The following CFAP54 variants were observed in gnomAD, a reference collection of about 807,000 sequenced individuals.
CFAP54 encodes the protein cilia and flagella associated protein 54, also known as cilia- and flagella-associated protein 54.
In CFAP54, 290 loss-of-function variants were observed where a neutral mutation model predicts 370.4. The observed-to-expected ratio is 0.78, with a 90% CI of 0.71 to 0.86. CFAP54 has a LOEUF of 0.86. Among genes scored for constraint, CFAP54 ranks in the 40% least tolerant of loss-of-function variants. CFAP54 has a pLI of 0.00. For missense variants in CFAP54, 3,399 were observed against 3,528.7 expected (o/e 0.96, Z 0.93); for synonymous variants, 1,206 against 1,236.5 (o/e 0.98, Z 0.52).
In CFAP54 at chr12:96,554,800, A is replaced by G. The variant is rs1955735198; in HGVS notation, c.2408A>G (p.Gln803Arg). 1 of 1,532,884 alleles carries G rather than the reference A, an allele frequency of 6.5e-7. No individual in the cohort carries two copies. The highest frequency in any genetic ancestry group is 1.2e-5 in the South Asian group (1 of 83,528). The allele number at this position is 1,532,884 out of a possible 1,614,324, so 95.0% of individuals were successfully genotyped here. ...GCTGTTGTGCTTCTGGACAAATTGC[A>G]AGGTAGTAGTCACTAAAGCAAGTAA... Reference protein sequence around the residue: ...RIAVVLLDKLQVLQTPTVSKD... With the variant: ...RIAVVLLDKLRVLQTPTVSKD... The change falls in exon 17 of 68, where the codon CAA becomes CGA. Residue 803 changes from glutamine to arginine, a missense_variant and splice_region_variant. This residue lies in a region of CFAP54 where 2,796 missense variants were observed against 2,869.7 expected (regional missense o/e 0.97). Transcript: ENST00000524981.
intron 62 of CFAP54, 56 bp downstream of exon 62, chr12:96,786,954 T>C (rs12315105): frequency 0.013 from 17,005 of 1,264,936 alleles, 442 homozygotes; most frequent in African/African-American, 0.11. Flanking sequence ...ATCATCATTA[T>C]ATTTCAGAAG....
At chr12:96,874,495 A>G (rs1265171178) in intron 67 of CFAP54, among the ~76,000 whole-genome samples, 1 of 151,980 alleles carries the variant, frequency 6.6e-6, no homozygotes, top group Non-Finnish European at 1.5e-5. Context: ...ATTGGTTAAT[A>G]TCAGGTTGCT....
At chr12:96,535,693 C>T in intron 12 of CFAP54, 93 bp downstream of exon 12, 1 of 743,308 alleles carries the variant, frequency 1.3e-6, no homozygotes, top group South Asian at 2.0e-5. Flanking sequence ...AGGAATTACG[C>T]CTTGCTAAAA....
rs371433513 is a variant in CFAP54, at chr12:96,621,754, C to T, written c.3771+33C>T. 4.2e-5 allele frequency: 63 copies of T among 1,485,120 alleles called. 1 individual carries two copies. The highest frequency in any genetic ancestry group is 2.5e-4 in the South Asian group (19 of 74,960). The allele number at this position is 1,485,120 out of a possible 1,614,324, so 92.0% of individuals were successfully genotyped here. ...TTTTTGTTTCTCATTTTTAAACCTA[C>T]GTTTAGTTTGCATCTTTTAGGGGTA... On this transcript the variant is annotated intron_variant, in intron 27 of 67. Coordinates refer to ENST00000524981, the MANE Select transcript of CFAP54 (RefSeq NM_001306084.2).
chr12:96,507,338 G>T (rs1198145499), intron 4 of CFAP54, among the ~76,000 whole-genome samples: 1 of 152,160 alleles, frequency 6.6e-6, no homozygotes, highest in Non-Finnish European at 1.5e-5. Context: ...ACTGTTGGGT[G>T]TTCAAAAAGC....
In CFAP54 at chr12:96,852,356, C is replaced by T. The variant is rs79426628; in HGVS notation, c.9172-8463C>T. Among the ~76,000 whole-genome samples the T allele has an allele frequency of 8.2e-4, 124 of 152,066 alleles. No homozygotes were observed. In the East Asian group the frequency reaches 0.021, roughly 26 times the overall value. On this transcript the variant is annotated intron_variant, in intron 66 of 67. Coordinates refer to ENST00000524981, the MANE Select transcript of CFAP54 (RefSeq NM_001306084.2). ...TCTCTCTTCATCTATCTGGACTCTC[C>T]GTTGTATTTCTATATAATAAGTCCA... is the stretch of plus-strand genomic sequence containing the variant.
At chr12:96,528,047 C>T (rs1419789395) in intron 9 of CFAP54, among the ~76,000 whole-genome samples, 1 of 152,076 alleles carries the variant, frequency 6.6e-6, no homozygotes, top group Non-Finnish European at 1.5e-5. Flanking sequence ...TTGATGGTTG[C>T]ACTGGCTAGG....
At chr12:96,661,574 T>C (rs1036374953) in intron 38 of CFAP54, among the ~76,000 whole-genome samples, 2 of 152,112 alleles carry the variant, frequency 1.3e-5, no homozygotes, top group African/African-American at 4.8e-5. Flanking sequence ...TAGAGGACAG[T>C]TGTAGAAGCA....
chr12:96,676,408 C>A (rs1957209459), intron 39 of CFAP54, among the ~76,000 whole-genome samples: 1 of 152,072 alleles, frequency 6.6e-6, no homozygotes, highest in South Asian at 2.1e-4. Flanking sequence ...CTGTTATGGG[C>A]TGAATATTTG....
intron 19 of CFAP54, among the ~76,000 whole-genome samples, chr12:96,565,268 C>G (rs779541331): frequency 9.9e-5 from 15 of 152,138 alleles, no homozygotes; most frequent in Non-Finnish European, 1.8e-4. Context: ...GGGTCTCACT[C>G]TGTCAACTAG....
intron 58 of CFAP54, among the ~76,000 whole-genome samples, chr12:96,761,984 A>G (rs1023372530): frequency 6.6e-6 from 1 of 152,036 alleles, no homozygotes; most frequent in Admixed American, 6.6e-5. Context: ...GCATTTCACT[A>G]TCTATTTTAG....
At chr12:96,773,361 C>G (rs1958482611) in intron 60 of CFAP54, among the ~76,000 whole-genome samples, 1 of 152,244 alleles carries the variant, frequency 6.6e-6, no homozygotes, top group Non-Finnish European at 1.5e-5. Flanking sequence ...CTTGAATCAC[C>G]TGTCTCCCTC....
At chr12:96,775,152 G>A (rs906091801) in intron 60 of CFAP54, among the ~76,000 whole-genome samples, 2 of 152,094 alleles carry the variant, frequency 1.3e-5, no homozygotes, top group Non-Finnish European at 2.9e-5. Context: ...ACTGTGGGCC[G>A]GGCGCGGTGA....
chr12:96,492,548 G>C (rs1321562640), intron 1 of CFAP54, among the ~76,000 whole-genome samples: 1 of 152,118 alleles, frequency 6.6e-6, no homozygotes, highest in Admixed American at 6.6e-5. Context: ...TAATCGATTT[G>C]TTTTCTTGTG....
At chr12:96,723,415 A>G (rs1258240446) in intron 50 of CFAP54, among the ~76,000 whole-genome samples, 1 of 152,146 alleles carries the variant, frequency 6.6e-6, no homozygotes, top group Non-Finnish European at 1.5e-5. Flanking sequence ...AAGAAAACCA[A>G]GAGATTATGG....
At chr12:96,562,425 A>T (rs1335968669) in intron 17 of CFAP54, among the ~76,000 whole-genome samples, 7 of 120,830 alleles carry the variant, frequency 5.8e-5, no homozygotes, top group African/African-American at 9.1e-5. Flanking sequence ...TTGTATTTGC[A>T]TTCTTTTTTT....
At chr12:96,499,233 C>T (rs1009682537) in intron 1 of CFAP54, among the ~76,000 whole-genome samples, 1 of 152,150 alleles carries the variant, frequency 6.6e-6, no homozygotes, top group Admixed American at 6.6e-5. Flanking sequence ...CTTTCTTGGC[C>T]TCCCGAAGTG....
chr12:96,810,733 G>A (rs962397543), intron 63 of CFAP54, among the ~76,000 whole-genome samples: 3 of 152,168 alleles, frequency 2.0e-5, no homozygotes, highest in Non-Finnish European at 4.4e-5. Context: ...AAGGTTGTCC[G>A]ATTATGCAGA....
chr12:96,667,261 C>T (rs995633317), intron 39 of CFAP54, among the ~76,000 whole-genome samples: 4 of 152,106 alleles, frequency 2.6e-5, no homozygotes, highest in African/African-American at 9.7e-5. Context: ...AGGATGGTGG[C>T]CGTCTTCTCA....
Sources: gnomAD v4.1 joint callset for allele counts (sites outside exome capture counted in the v4.1 genomes callset) on GRCh38, gnomAD v4.1.1 for gene constraint, gnomAD v4.1.1 regional missense constraint, MANE v1.5 for transcripts, NCBI Gene and HGNC (gene_info 2026-07-23, HGNC 2026-07-21) for gene names.